DLG2: variants seen among roughly 807,000 people sequenced by gnomAD.
DLG2 encodes the protein discs large MAGUK scaffold protein 2.
In DLG2, 45 loss-of-function variants were observed where a neutral mutation model predicts 132.5. The observed-to-expected ratio is 0.34, with a 90% CI of 0.27 to 0.44. The LOEUF (loss-of-function observed/expected upper bound fraction) is 0.44, where lower values mean the gene tolerates loss of function less well. Ranked by LOEUF, DLG2 falls within the 20% of genes least tolerant of loss-of-function variation. The pLI is 1.00. For missense variants in DLG2, 1,045 were observed against 1,196.9 expected, an observed-to-expected ratio of 0.87 and a Z score of 1.87; for synonymous variants, 424 against 419.6, an observed-to-expected ratio of 1.01 and a Z score of -0.13.
chr11:84,522,929 C>A (rs537927461), intron 7 of DLG2, among the ~76,000 whole-genome samples: 6 of 152,238 alleles, frequency 3.9e-5, no homozygotes, highest in Admixed American at 3.9e-4. Context: ...TTAGTAAATT[C>A]TTGTTTGGAC....
intron 3 of DLG2, among the ~76,000 whole-genome samples, chr11:85,586,857 C>G (rs781562974): frequency 3.3e-5 from 5 of 152,172 alleles, no homozygotes; most frequent in Non-Finnish European, 7.4e-5. Context: ...CCTCATAGCA[C>G]TGCTTTTGCT....
intron 11 of DLG2, among the ~76,000 whole-genome samples, chr11:83,998,987 TTGAGGCATGAGTGCTGCCAGGGA>T (rs1261516203): frequency 6.6e-6 from 1 of 152,254 alleles, no homozygotes; most frequent in Admixed American, 6.5e-5. Flanking sequence ...ACAACAAGAA[TTGAGGCATGAGTGCTGCCAGGGA>T]TGAGGCATGA....
intron 6 of DLG2, chr11:85,020,849 T>C (rs1393014150): frequency 1.3e-6 from 1 of 753,074 alleles, no homozygotes; most frequent in Non-Finnish European, 2.5e-6. Context: ...TCCCCCAATC[T>C]TCATTGTCAT....
chr11:83,710,471 T>C (rs1055051589), intron 18 of DLG2, among the ~76,000 whole-genome samples: 1 of 152,140 alleles, frequency 6.6e-6, no homozygotes, highest in Admixed American at 6.5e-5. Flanking sequence ...CAGATACTTT[T>C]CATCCACTCA....
intron 6 of DLG2, among the ~76,000 whole-genome samples, chr11:84,920,224 T>C (rs2092692185): frequency 6.6e-6 from 1 of 152,192 alleles, no homozygotes; most frequent in African/African-American, 2.4e-5. Context: ...ATTTCACTCT[T>C]CAGCCTTGTA....
At chr11:84,591,460 A>G (rs1455070118) in intron 6 of DLG2, among the ~76,000 whole-genome samples, 1 of 151,814 alleles carries the variant, frequency 6.6e-6, no homozygotes, top group Non-Finnish European at 1.5e-5. Flanking sequence ...TGGGGTCAGG[A>G]GTTTGAGACC....
intron 4 of DLG2, among the ~76,000 whole-genome samples, chr11:85,230,123 T>C (rs1238348050): frequency 1.3e-5 from 2 of 152,046 alleles, no homozygotes; most frequent in Non-Finnish European, 1.5e-5. Flanking sequence ...GAACTTAAAG[T>C]ATTGTTTAAA....
At chr11:84,544,715 A>G (rs1229367780) in intron 6 of DLG2, among the ~76,000 whole-genome samples, 1 of 152,192 alleles carries the variant, frequency 6.6e-6, no homozygotes, top group African/African-American at 2.4e-5. Context: ...TCTCATAGAA[A>G]TACAAAGATT....
At chr11:83,575,978 G>A (rs571074981) in intron 19 of DLG2, among the ~76,000 whole-genome samples, 64 of 152,194 alleles carry the variant, frequency 4.2e-4, no homozygotes, top group Non-Finnish European at 6.6e-4. Context: ...ACAAATGTTA[G>A]AAGTGGCAGA....
chr11:84,793,522 T>C lies in DLG2; in HGVS notation c.358-258791A>G, dbSNP rs144128195. ...GTGTTGAAGTCTCCAGCTATTATTG[T>C]ACTGAGGTCTATCTCTTTATTTAGC... On this transcript the variant is annotated intron_variant, in intron 6 of 27. Coordinates refer to ENST00000376104, the MANE Select transcript of DLG2 (RefSeq NM_001142699.3). Among the ~76,000 whole-genome samples the C allele has an allele frequency of 4.7e-3, 712 of 152,334 alleles. 4 individuals are homozygous for C. The highest frequency in any genetic ancestry group is 0.016 in the African/African-American group (684 of 41,568).
intron 3 of DLG2, among the ~76,000 whole-genome samples, chr11:85,418,607 T>A (rs1258614267): frequency 6.6e-6 from 1 of 152,212 alleles, no homozygotes; most frequent in African/African-American, 2.4e-5. Context: ...AAGAACTTGA[T>A]TTACGAATCT....
chr11:84,299,430 T>C (rs1485088159), intron 7 of DLG2, among the ~76,000 whole-genome samples: 8 of 152,142 alleles, frequency 5.3e-5, no homozygotes. Context: ...GGGAAAATAT[T>C]TGAAACACTC....
intron 9 of DLG2, among the ~76,000 whole-genome samples, chr11:84,160,498 A>AAC (rs2095523114): frequency 3.3e-5 from 5 of 152,190 alleles, no homozygotes; most frequent in Non-Finnish European, 5.9e-5. Flanking sequence ...GTTAAAATTT[A>AAC]AAAAATGAGG....
At chr11:83,627,971 T>C (rs2153449785) in intron 19 of DLG2, among the ~76,000 whole-genome samples, 1 of 152,360 alleles carries the variant, frequency 6.6e-6, no homozygotes, top group Admixed American at 6.5e-5. Flanking sequence ...CCAGTGATGA[T>C]GAGTATTTTT....
intron 9 of DLG2, among the ~76,000 whole-genome samples, chr11:84,133,749 G>C (rs573750676): frequency 6.6e-6 from 1 of 151,956 alleles, no homozygotes; most frequent in Non-Finnish European, 1.5e-5. Flanking sequence ...TTTAATAGCT[G>C]GGACTATAGA....
chr11:84,277,969 C>T (rs757710166), intron 7 of DLG2, among the ~76,000 whole-genome samples: 6 of 151,468 alleles, frequency 4.0e-5, no homozygotes, highest in African/African-American at 1.2e-4. Context: ...TCATGGCTCA[C>T]TGAAGACTTG....
chr11:85,076,607 C>G (rs1007780764), intron 6 of DLG2, among the ~76,000 whole-genome samples: 1 of 152,006 alleles, frequency 6.6e-6, no homozygotes, highest in African/African-American at 2.4e-5. Flanking sequence ...CTCACTGACG[C>G]TCAGCACCCT....
intron 21 of DLG2, among the ~76,000 whole-genome samples, chr11:83,497,921 AAAC>A (rs1026354074): frequency 2.2e-4 from 33 of 152,152 alleles, no homozygotes; most frequent in Non-Finnish European, 4.0e-4. Flanking sequence ...ATTAAAAAAA[AAAC>A]AACAACAACT....
intron 8 of DLG2, among the ~76,000 whole-genome samples, chr11:84,166,347 A>G (rs1020565977): frequency 2.0e-5 from 3 of 151,848 alleles, no homozygotes; most frequent in African/African-American, 7.3e-5. Flanking sequence ...ACTAAAATAC[A>G]AAAAATTATC....
Sources: allele counts gnomAD v4.1 joint callset (sites outside exome capture counted in the v4.1 genomes callset), GRCh38; gene constraint gnomAD v4.1.1; transcripts MANE v1.5; gene names NCBI Gene and HGNC (gene_info 2026-07-23, HGNC 2026-07-21).